Variants in MAP7D2 observed in about 807,000 individuals in gnomAD.
The protein encoded by MAP7D2 is MAP7 domain containing 2.
In MAP7D2, 33 loss-of-function variants were observed where a neutral mutation model predicts 63.5. The observed-to-expected ratio is 0.52, with a 90% CI of 0.39 to 0.70. The LOEUF (loss-of-function observed/expected upper bound fraction) is 0.70. MAP7D2 is among the 30% of genes least tolerant of loss of function. The probability of loss-of-function intolerance (pLI) is 0.00; values close to 1 mark genes in which losing one functional copy is unlikely to be tolerated. For synonymous variants in MAP7D2, 224 were observed against 223.7 expected, an observed-to-expected ratio of 1.00 and a Z score of -0.01; for missense variants, 626 against 604.0, an observed-to-expected ratio of 1.04 and a Z score of -0.38.
chrX:20,027,334 T>C (rs1176024383), intron 8 of MAP7D2, among the ~76,000 whole-genome samples: 1 of 112,544 alleles, frequency 8.9e-6, no homozygotes, highest in Non-Finnish European at 1.9e-5. Context: ...AGGTGGTTTT[T>C]TCCAGGTACA....
In MAP7D2 at chrX:20,012,557, C is replaced by T. The variant is rs765972666; in HGVS notation, c.1886-22G>A. 86 of 1,112,179 alleles carry T rather than the reference C, an allele frequency of 7.7e-5. No homozygotes were observed. In the East Asian group the frequency reaches 2.6e-3, roughly 34 times the overall value. 91.7% of individuals were successfully genotyped at this position (1,112,179 alleles called of 1,213,427 possible). Reference sequence around the variant, plus strand: ...ATTTCTGATCGAGAACACAAAGTCCCTTGTGTTAATCATAAAATGTCTAAA... The same window carrying T: ...ATTTCTGATCGAGAACACAAAGTCCTTTGTGTTAATCATAAAATGTCTAAA... On this transcript the variant is annotated intron_variant, in intron 14 of 16. Coordinates refer to ENST00000379643, the MANE Select transcript of MAP7D2 (RefSeq NM_001168465.2).
At chrX:20,113,454 C>T (rs2066801196) in intron 1 of MAP7D2, among the ~76,000 whole-genome samples, 1 of 111,461 alleles carries the variant, frequency 9.0e-6, no homozygotes, top group African/African-American at 3.3e-5. Context: ...CCATCTTGGC[C>T]GGCCTGGTCT....
At chrX:20,107,674 T>C (rs754288125) in intron 1 of MAP7D2, among the ~76,000 whole-genome samples, 45 of 111,815 alleles carry the variant, frequency 4.0e-4, no homozygotes, top group Admixed American at 9.5e-4. Flanking sequence ...CGTTTCTTTT[T>C]CTTAATGTGT....
intron 1 of MAP7D2, among the ~76,000 whole-genome samples, chrX:20,087,862 A>G (rs1321294227): frequency 1.9e-5 from 2 of 104,344 alleles, no homozygotes; most frequent in Non-Finnish European, 3.9e-5. Flanking sequence ...TTATGGATCC[A>G]GCAACTAATT....
intron 8 of MAP7D2, among the ~76,000 whole-genome samples, chrX:20,035,757 C>T (rs919897047): frequency 1.8e-5 from 2 of 109,591 alleles, no homozygotes; most frequent in Admixed American, 9.8e-5. Flanking sequence ...AAAAACCCCA[C>T]AAAAAATTAG....
Position 20,022,046 on chromosome X carries a change from A to G in MAP7D2, c.1412+2905T>C, listed in dbSNP as rs1197714104. Among the ~76,000 whole-genome samples the G allele has an allele frequency of 3.6e-5, 4 of 112,143 alleles. No individual in the cohort carries two copies. The East Asian group carries it at 1.1e-3, about 31-fold the overall frequency. On this transcript the variant is annotated intron_variant, in intron 10 of 16. Transcript: ENST00000379643. ...TAAACAAATGAAGCTATGTTAGTCA[A>G]CTGAACAGCTGGGCTCAGTATGGGT...
At chrX:20,041,126 A>G (rs945098051) in intron 8 of MAP7D2, among the ~76,000 whole-genome samples, 1 of 111,738 alleles carries the variant, frequency 8.9e-6, no homozygotes, top group Admixed American at 9.6e-5. Context: ...GGAGCCTGTA[A>G]AAGTCTCAGC....
At chrX:20,040,136 C>T (rs1207447116) in intron 8 of MAP7D2, among the ~76,000 whole-genome samples, 1 of 110,902 alleles carries the variant, frequency 9.0e-6, no homozygotes, top group Non-Finnish European at 1.9e-5. Context: ...AGCTTTTGGA[C>T]TCTTGGACCT....
At chrX:20,070,012 G>A (rs960637570) in intron 1 of MAP7D2, among the ~76,000 whole-genome samples, 2 of 111,277 alleles carry the variant, frequency 1.8e-5, no homozygotes, top group African/African-American at 3.3e-5. Flanking sequence ...GCAGTGGTGC[G>A]ATCTTGGCTC....
chrX:20,097,317 T>C (rs1252071407), intron 1 of MAP7D2, among the ~76,000 whole-genome samples: 2 of 112,292 alleles, frequency 1.8e-5, no homozygotes, highest in Non-Finnish European at 3.8e-5. Context: ...ATGTGCAGTT[T>C]CCACAGCTCC....
Position 20,115,253 on chromosome X carries a change from A to C in MAP7D2, c.130+1497T>G, listed in dbSNP as rs192413559. On this transcript the variant is annotated intron_variant, in intron 1 of 16. Coordinates refer to ENST00000379643, the MANE Select transcript of MAP7D2 (RefSeq NM_001168465.2). ...TTTGTTTCCATTAAAAAAAAAAAAAAAAAAACCCCTTAAGTTCCTTCAAAT... is the reference window on the plus strand; with the variant it reads ...TTTGTTTCCATTAAAAAAAAAAAAACAAAAACCCCTTAAGTTCCTTCAAAT... 3.7e-3 allele frequency among the ~76,000 whole-genome samples: 396 copies of C among 108,064 alleles called. 3 individuals are homozygous for C. The highest frequency in any genetic ancestry group is 0.012 in the African/African-American group (363 of 29,704). 93.8% of individuals were successfully genotyped at this position (108,064 alleles called of 115,157 possible).
chrX:20,018,874 G>C (rs185984755), intron 10 of MAP7D2, among the ~76,000 whole-genome samples: 2 of 111,560 alleles, frequency 1.8e-5, no homozygotes, highest in East Asian at 5.6e-4. Context: ...CCTCTCCGAG[G>C]ATGAGCATTC....
chrX:20,012,256 G>T, intron 15 of MAP7D2, 93 bp downstream of exon 15: 1 of 686,496 alleles, frequency 1.5e-6, no homozygotes, highest in Non-Finnish European at 2.2e-6. Flanking sequence ...TGCTTTAGGT[G>T]ATTTGGTTGT....
At chrX:20,017,051 G>A (rs2073421974) in intron 10 of MAP7D2, 1 of 113,745 alleles carries the variant, frequency 8.8e-6, no homozygotes, top group South Asian at 3.6e-4. Context: ...CCAAGAGCTT[G>A]TTTTAACCTT....
chrX:20,016,436 A>G, intron 10 of MAP7D2, 111 bp from the exon 11 acceptor site: 1 of 621,293 alleles, frequency 1.6e-6, no homozygotes, highest in Admixed American at 2.9e-5. Context: ...ACACACACAT[A>G]CCTTTCAACG....
Position 20,016,110 on chromosome X carries a change from G to A in MAP7D2, c.1628C>T (p.Ala543Val). The A allele has an allele frequency of 1.7e-6, 2 of 1,209,398 alleles. No individual in the cohort carries two copies. Among genetic ancestry groups the A allele is most frequent in the Non-Finnish European group, 2.2e-6 (2 of 894,056 alleles). Reference sequence around the variant, plus strand: ...ATACAGTACCTGCTTTTCAATCATGGCTTTCTCTTGTTTTTCTTGTTCTTG... The same window carrying A: ...ATACAGTACCTGCTTTTCAATCATGACTTTCTCTTGTTTTTCTTGTTCTTG... ...EKQEQEKQEK[A>V]MIEKQKEAAE... The change falls in exon 11 of 17, where the codon GCC (alanine) becomes GTC (valine). Residue 543 changes from alanine (A) to valine (V), a missense_variant. Transcript: ENST00000379643.
intron 4 of MAP7D2, among the ~76,000 whole-genome samples, chrX:20,053,389 C>T (rs2064997603): frequency 8.9e-6 from 1 of 112,000 alleles, no homozygotes; most frequent in African/African-American, 3.2e-5. Context: ...GCCCTATGGT[C>T]TGACTGTCAC....
At chrX:20,112,010 G>C (rs1167727034) in intron 1 of MAP7D2, among the ~76,000 whole-genome samples, 3 of 111,882 alleles carry the variant, frequency 2.7e-5, no homozygotes, top group African/African-American at 6.5e-5. Context: ...GAGTGCAAGC[G>C]ATCTGTGGGC....
intron 1 of MAP7D2, among the ~76,000 whole-genome samples, chrX:20,109,970 T>C (rs1171248782): frequency 9.3e-6 from 1 of 106,953 alleles, no homozygotes; most frequent in Non-Finnish European, 1.9e-5. Context: ...CAGGAGGCAG[T>C]GGTTGCAGTG....
Sources: allele counts gnomAD v4.1 joint callset (sites outside exome capture counted in the v4.1 genomes callset), GRCh38; gene constraint gnomAD v4.1.1; transcripts MANE v1.5; gene names NCBI Gene and HGNC (gene_info 2026-07-23, HGNC 2026-07-21).